GALNTL6: variants seen among roughly 807,000 people sequenced by gnomAD.
GALNTL6 encodes polypeptide N-acetylgalactosaminyltransferase-like 6.
GALNTL6 carries 46 observed loss-of-function variants against 73.7 expected under a neutral mutation model. The observed-to-expected ratio is 0.62, with a 90% confidence interval of 0.49 to 0.80. The LOEUF (loss-of-function observed/expected upper bound fraction) is 0.80, where lower values mean the gene tolerates loss of function less well. Ranked by LOEUF, GALNTL6 falls within the 30% of genes least tolerant of loss-of-function variation. The probability of loss-of-function intolerance (pLI) is 0.00; values close to 1 mark genes in which losing one functional copy is unlikely to be tolerated. For synonymous variants in GALNTL6, 259 were observed against 263.7 expected (o/e 0.98, Z 0.17); for missense variants, 604 against 755.0 (o/e 0.80, Z 2.34).
At chr4:172,546,806 A>ATATACGTATATATATG (rs1554034205) in intron 5 of GALNTL6, among the ~76,000 whole-genome samples, 8 of 99,118 alleles carry the variant, frequency 8.1e-5, no homozygotes, top group South Asian at 3.8e-4. Context: ...ACGTATATAT[A>ATATACGTATATATATG]CGTATATATA....
chr4:172,113,837 G>A (rs960478005), intron 2 of GALNTL6, among the ~76,000 whole-genome samples: 2 of 152,046 alleles, frequency 1.3e-5, no homozygotes, highest in Admixed American at 1.3e-4. Context: ...TTCCCTGTGT[G>A]TTGAGCTTAA....
intron 8 of GALNTL6, among the ~76,000 whole-genome samples, chr4:172,888,349 G>A (rs1459384297): frequency 2.0e-5 from 3 of 152,022 alleles, no homozygotes; most frequent in Non-Finnish European, 4.4e-5. Flanking sequence ...AATCTATCTC[G>A]AGTTAACTTT....
rs1307354784 is a variant in GALNTL6, at chr4:172,440,531, A to G, written c.553+91842A>G. On this transcript the variant is annotated intron_variant, in intron 5 of 12. Transcript: ENST00000506823. ...ACAGAAGATTTTTAGGGCAGTGAAA[A>G]TATTCTGCATGATACTATAATGATG... is the stretch of plus-strand genomic sequence containing the variant. Among the ~76,000 whole-genome samples, 2 of 152,080 alleles carry G rather than the reference A, an allele frequency of 1.3e-5. 1 individual carries two copies. The highest frequency in any genetic ancestry group is 2.9e-5 in the Non-Finnish European group (2 of 67,994).
intron 5 of GALNTL6, among the ~76,000 whole-genome samples, chr4:172,756,281 G>A (rs1024147860): frequency 1.3e-5 from 2 of 152,128 alleles, no homozygotes; most frequent in African/African-American, 4.8e-5. Flanking sequence ...CCTTAAATAT[G>A]CAATTAAAAA....
intron 2 of GALNTL6, among the ~76,000 whole-genome samples, chr4:171,929,658 G>A (rs1484934592): frequency 2.0e-5 from 3 of 152,168 alleles, no homozygotes; most frequent in Non-Finnish European, 4.4e-5. Context: ...TGGTCAGACC[G>A]CACCTCATTG....
chr4:171,973,645 T>C (rs988827304), intron 2 of GALNTL6, among the ~76,000 whole-genome samples: 1 of 152,172 alleles, frequency 6.6e-6, no homozygotes, highest in Non-Finnish European at 1.5e-5. Flanking sequence ...TAAAGCTACA[T>C]TCTTGGGTAC....
At chr4:172,983,787 G>T (rs547917215) in intron 10 of GALNTL6, among the ~76,000 whole-genome samples, 1 of 152,238 alleles carries the variant, frequency 6.6e-6, no homozygotes, top group South Asian at 2.1e-4. Flanking sequence ...AAGTAGCATA[G>T]GGCCTACCGC....
At chr4:172,215,675 C>G (rs836310) in intron 2 of GALNTL6, among the ~76,000 whole-genome samples, 77,739 of 151,898 alleles carry the variant, frequency 0.51, 21,764 homozygotes, top group East Asian at 0.86. Context: ...CTCTAAAAAT[C>G]TCTGTGATTT....
intron 2 of GALNTL6, among the ~76,000 whole-genome samples, chr4:171,887,301 C>T (rs866900694): frequency 6.6e-6 from 1 of 152,212 alleles, no homozygotes; most frequent in African/African-American, 2.4e-5. Context: ...ACATTCAAAC[C>T]ATAGCAGTTG....
At chr4:172,366,349 A>G (rs185279196) in intron 5 of GALNTL6, among the ~76,000 whole-genome samples, 5 of 152,272 alleles carry the variant, frequency 3.3e-5, no homozygotes, top group African/African-American at 4.8e-5. Context: ...GGCTATCTCA[A>G]TGTATGTTTA....
At position 171,937,467 on chromosome 4, in the gene GALNTL6, T is replaced by C. The variant is rs140525138; in HGVS notation, c.138+122749T>C. Among the ~76,000 whole-genome samples the C allele has an allele frequency of 1.7e-3, 258 of 152,278 alleles. 2 individuals carry two copies. The highest frequency in any genetic ancestry group is 0.012 in the Admixed American group (178 of 15,284). On this transcript the variant is annotated intron_variant, in intron 2 of 12. Coordinates refer to ENST00000506823, the MANE Select transcript of GALNTL6 (RefSeq NM_001034845.3). The stretch of plus-strand genomic sequence containing the variant: ...ATACATCTTTGACTATAAAAGAGCA[T>C]GTGATTTAAGAAGTTTGTTTTTTGT...
intron 2 of GALNTL6, among the ~76,000 whole-genome samples, chr4:172,069,846 A>G (rs1236983114): frequency 1.9e-5 from 2 of 106,696 alleles, no homozygotes; most frequent in African/African-American, 3.6e-5. Flanking sequence ...AGACAAGAAA[A>G]CACACCTGCT....
intron 5 of GALNTL6, among the ~76,000 whole-genome samples, chr4:172,356,782 C>T (rs1335578745): frequency 1.3e-5 from 2 of 152,146 alleles, no homozygotes; most frequent in Non-Finnish European, 2.9e-5. Context: ...CTAAGTCACA[C>T]AGTGGGTCAA....
At chr4:172,321,822 T>TG (rs1740766342) in intron 4 of GALNTL6, among the ~76,000 whole-genome samples, 1 of 152,128 alleles carries the variant, frequency 6.6e-6, no homozygotes, top group Non-Finnish European at 1.5e-5. Flanking sequence ...CATCATGTGA[T>TG]GGTCAGGCAG....
At chr4:172,992,824 T>C (rs944929893) in intron 10 of GALNTL6, among the ~76,000 whole-genome samples, 51 of 152,300 alleles carry the variant, frequency 3.3e-4, no homozygotes, top group African/African-American at 1.2e-3. Context: ...GAATAATTTG[T>C]TGGTTTTACA....
intron 10 of GALNTL6, among the ~76,000 whole-genome samples, chr4:172,959,875 C>T (rs1462855929): frequency 6.6e-6 from 1 of 152,186 alleles, no homozygotes; most frequent in East Asian, 1.9e-4. Flanking sequence ...TGCCTGCCTG[C>T]TGCGGTTTAG....
Position 172,094,956 on chromosome 4 carries a change from T to G in GALNTL6, c.139-134700T>G, listed in dbSNP as rs184730833. Among the ~76,000 whole-genome samples the G allele has an allele frequency of 4.7e-3, 707 of 149,626 alleles. 4 individuals carry two copies. The highest frequency in any genetic ancestry group is 0.036 in the East Asian group (185 of 5,152). On this transcript the variant is annotated intron_variant, in intron 2 of 12. Coordinates refer to ENST00000506823, the MANE Select transcript of GALNTL6 (RefSeq NM_001034845.3). ...AAATCCCATAGTTTTTTGTTTTTTG[T>G]TTTTTTTTCCTTGAATTTTCTGGAC...
intron 5 of GALNTL6, among the ~76,000 whole-genome samples, chr4:172,669,923 G>A (rs1731880901): frequency 6.6e-6 from 1 of 152,138 alleles, no homozygotes; most frequent in African/African-American, 2.4e-5. Context: ...TGTGGTATTT[G>A]GTTTTCTGTT....
intron 5 of GALNTL6, among the ~76,000 whole-genome samples, chr4:172,399,372 G>T (rs1219340055): frequency 1.3e-5 from 2 of 151,672 alleles, no homozygotes; most frequent in Non-Finnish European, 2.9e-5. Flanking sequence ...TTTTTATTAA[G>T]AAAATAACTA....
Sources: gnomAD v4.1 joint callset for allele counts (sites outside exome capture counted in the v4.1 genomes callset) on GRCh38, gnomAD v4.1.1 for gene constraint, MANE v1.5 for transcripts, NCBI Gene and HGNC (gene_info 2026-07-23, HGNC 2026-07-21) for gene names.